The following NRP1 variants were observed in gnomAD, a reference collection of about 807,000 sequenced individuals.
NRP1 encodes neuropilin 1, also known as neuropilin-1.
NRP1 carries 35 observed loss-of-function variants against 106.7 expected under a neutral mutation model. The ratio of observed to expected loss-of-function variants is 0.33; its 90% CI spans 0.25 to 0.43. The LOEUF is 0.43. Among genes scored for constraint, NRP1 ranks in the 20% least tolerant of loss-of-function variants. The probability of loss-of-function intolerance (pLI) is 1.00; values close to 1 mark genes in which losing one functional copy is unlikely to be tolerated. For missense variants in NRP1, 1,024 were observed against 1,170.4 expected, an observed-to-expected ratio of 0.87 and a Z score of 1.83; for synonymous variants, 437 against 417.9, an observed-to-expected ratio of 1.05 and a Z score of -0.56.
chr10:33,293,351 A>G (rs2132644497), intron 2 of NRP1, among the ~76,000 whole-genome samples: 1 of 152,334 alleles, frequency 6.6e-6, no homozygotes, highest in South Asian at 2.1e-4. Flanking sequence ...GGGCCTCCTT[A>G]GAATTTTACA....
chr10:33,317,179 G>A (rs536100090), intron 2 of NRP1, among the ~76,000 whole-genome samples: 30 of 152,292 alleles, frequency 2.0e-4, no homozygotes, highest in Non-Finnish European at 2.9e-4. Flanking sequence ...ATGAAGAAGC[G>A]TTGAGAGTGC....
At chr10:33,220,788 C>T (rs1009583882) in intron 8 of NRP1, among the ~76,000 whole-genome samples, 9 of 149,504 alleles carry the variant, frequency 6.0e-5, no homozygotes, top group Non-Finnish European at 1.3e-4. Context: ...GTAGTACCAG[C>T]TACTCAGGAG....
At chr10:33,313,455 A>G (rs1387146061) in intron 2 of NRP1, among the ~76,000 whole-genome samples, 2 of 152,194 alleles carry the variant, frequency 1.3e-5, no homozygotes, top group Non-Finnish European at 2.9e-5. Flanking sequence ...GCCTGTATCA[A>G]AATAGCTCAT....
chr10:33,285,310 G>A (rs570823622), intron 2 of NRP1, among the ~76,000 whole-genome samples: 1 of 152,272 alleles, frequency 6.6e-6, no homozygotes, highest in Admixed American at 6.5e-5. Flanking sequence ...AGATATAATA[G>A]ACCAAGGTTG....
chr10:33,314,671 A>G (rs1042965984), intron 2 of NRP1, among the ~76,000 whole-genome samples: 2 of 152,140 alleles, frequency 1.3e-5, no homozygotes, highest in African/African-American at 2.4e-5. Flanking sequence ...AAACACTGGT[A>G]TGGAGGGAGA....
intron 2 of NRP1, among the ~76,000 whole-genome samples, chr10:33,302,482 C>A (rs1455301584): frequency 6.6e-6 from 1 of 152,228 alleles, no homozygotes; most frequent in Non-Finnish European, 1.5e-5. Flanking sequence ...TGGATAAGAA[C>A]TTCCCCTAAA....
At chr10:33,273,716 C>T (rs777574332) in intron 2 of NRP1, among the ~76,000 whole-genome samples, 73 of 152,312 alleles carry the variant, frequency 4.8e-4, no homozygotes, top group Admixed American at 1.5e-3. Flanking sequence ...TGGATGAGAG[C>T]TGGGAATTAC....
chr10:33,266,096 G>T (rs1842901471), intron 3 of NRP1, among the ~76,000 whole-genome samples: 1 of 151,934 alleles, frequency 6.6e-6, no homozygotes, highest in Non-Finnish European at 1.5e-5. Context: ...GAAACAGCAA[G>T]GTTTCATGCA....
At chr10:33,219,098 C>G (rs1225540592) in intron 8 of NRP1, among the ~76,000 whole-genome samples, 1 of 152,178 alleles carries the variant, frequency 6.6e-6, no homozygotes, top group Non-Finnish European at 1.5e-5. Context: ...TTATTAGAGG[C>G]TCTGCTTGCT....
intron 2 of NRP1, among the ~76,000 whole-genome samples, chr10:33,274,778 A>G (rs1393577878): frequency 6.6e-6 from 1 of 152,154 alleles, no homozygotes; most frequent in African/African-American, 2.4e-5. Flanking sequence ...TCTCCTTCCA[A>G]GAGGACCTCC....
At chr10:33,268,983 G>A (rs1843110056) in intron 3 of NRP1, among the ~76,000 whole-genome samples, 1 of 152,150 alleles carries the variant, frequency 6.6e-6, no homozygotes, top group African/African-American at 2.4e-5. Flanking sequence ...AACGTTTCCT[G>A]GATCCCCAAC....
At chr10:33,204,556 T>A (rs1000953832) in intron 10 of NRP1, among the ~76,000 whole-genome samples, 30 of 152,210 alleles carry the variant, frequency 2.0e-4, no homozygotes, top group African/African-American at 7.0e-4. Flanking sequence ...ACTCTATTCA[T>A]TTTGCTGATT....
At chr10:33,318,423 G>T (rs759922882) in intron 2 of NRP1, among the ~76,000 whole-genome samples, 2 of 152,094 alleles carry the variant, frequency 1.3e-5, no homozygotes, top group African/African-American at 4.8e-5. Context: ...AGGATCCCCT[G>T]ACAATCCAAA....
chr10:33,293,598 G>T (rs995696275), intron 2 of NRP1, among the ~76,000 whole-genome samples: 2 of 152,194 alleles, frequency 1.3e-5, no homozygotes, highest in Non-Finnish European at 2.9e-5. Flanking sequence ...CCACAGCAAA[G>T]TCAGCACTGG....
intron 3 of NRP1, among the ~76,000 whole-genome samples, chr10:33,267,660 A>G (rs1404387956): frequency 6.6e-6 from 1 of 152,098 alleles, no homozygotes; most frequent in African/African-American, 2.4e-5. Flanking sequence ...CTGGGCCTGA[A>G]GACCAAGGGA....
At chr10:33,278,984 A>G (rs546557487) in intron 2 of NRP1, among the ~76,000 whole-genome samples, 2 of 152,328 alleles carry the variant, frequency 1.3e-5, no homozygotes, top group East Asian at 3.9e-4. Context: ...CAAAGAAAAA[A>G]TTTGTAAGAA....
chr10:33,248,542 T>G (rs1458096973), intron 6 of NRP1, among the ~76,000 whole-genome samples: 1 of 124,766 alleles, frequency 8.0e-6, no homozygotes, highest in Non-Finnish European at 1.7e-5. Flanking sequence ...GGGCTTTCAT[T>G]AATGGTCCTT....
chr10:33,330,830 A>G lies in NRP1; in HGVS notation c.126T>C (p.Pro42=). 1 of 1,613,184 alleles carries G rather than the reference A, an allele frequency of 6.2e-7. No individual in the cohort carries two copies. The change falls in exon 2 of 17, where the codon CCT becomes CCC. Residue 42 remains proline (P), a synonymous_variant. Coordinates refer to ENST00000374867, the MANE Select transcript of NRP1 (RefSeq NM_003873.7). Reference sequence around the variant, plus strand: ...TTGGGTGATAAGAATGAGGATAACCAGGAGATGTAAGGTACCCGGGGCTTT... The same window carrying G: ...TTGGGTGATAAGAATGAGGATAACCGGGAGATGTAAGGTACCCGGGGCTTT... The part of the protein sequence containing the change: ...KIESPGYLTS[P]GYPHSYHPSE...
intron 4 of NRP1, among the ~76,000 whole-genome samples, chr10:33,262,379 A>G (rs1054293993): frequency 6.6e-6 from 1 of 152,030 alleles, no homozygotes; most frequent in African/African-American, 2.4e-5. Context: ...CCTCCTTCAA[A>G]TCTTCGCTCA....
Sources: gnomAD v4.1 joint callset for allele counts (sites outside exome capture counted in the v4.1 genomes callset) on GRCh38, gnomAD v4.1.1 for gene constraint, MANE v1.5 for transcripts, NCBI Gene and HGNC (gene_info 2026-07-23, HGNC 2026-07-21) for gene names.